The following PITPNC1 variants were observed in gnomAD, a reference collection of about 807,000 sequenced individuals.
PITPNC1 encodes phosphatidylinositol transfer protein cytoplasmic 1.
In PITPNC1, 18 loss-of-function variants were observed where a neutral mutation model predicts 44.7. That is an observed-to-expected ratio of 0.40 (90% CI 0.28 to 0.60). PITPNC1 has a LOEUF of 0.60. PITPNC1 is among the 20% of genes least tolerant of loss of function. PITPNC1 has a pLI of 0.39. For missense variants in PITPNC1, 290 were observed against 418.4 expected (o/e 0.69, Z 2.68); for synonymous variants, 141 against 149.6 (o/e 0.94, Z 0.42).
chr17:67,575,638 G>A (rs1321856438), intron 4 of PITPNC1, among the ~76,000 whole-genome samples: 1 of 152,208 alleles, frequency 6.6e-6, no homozygotes, highest in East Asian at 1.9e-4. Context: ...GCTGAAGCAT[G>A]TGTGTGCTAT....
intron 4 of PITPNC1, among the ~76,000 whole-genome samples, chr17:67,565,052 T>C (rs1465632459): frequency 1.3e-5 from 2 of 152,192 alleles, no homozygotes; most frequent in Non-Finnish European, 2.9e-5. Context: ...TGTTTTTCAG[T>C]GGATATACTA....
At position 67,692,996 on chromosome 17, in the gene PITPNC1, C is replaced by G. The variant is rs1243290475; in HGVS notation, c.*108C>G. On this transcript the variant is annotated 3_prime_UTR_variant, in exon 9 of 9. Coordinates refer to ENST00000581322, the MANE Select transcript of PITPNC1 (RefSeq NM_012417.4). Reference sequence around the variant, plus strand: ...ACTGCTTTGTCACTCAAACATGTTCCTTCGACCTTTCAGTGTGCATGTGAC... The same window carrying G: ...ACTGCTTTGTCACTCAAACATGTTCGTTCGACCTTTCAGTGTGCATGTGAC... 1 of 722,644 alleles carries G rather than the reference C, an allele frequency of 1.4e-6. No homozygotes were observed. Among genetic ancestry groups the G allele is most frequent in the Admixed American group, 2.6e-5 (1 of 38,152 alleles). 44.8% of individuals were successfully genotyped at this position (722,644 alleles called of 1,614,324 possible). A position where few individuals can be genotyped will look rare whatever the true frequency, so the allele number is the denominator to read the frequency against.
chr17:67,682,927 C>T (rs1053659979), intron 8 of PITPNC1, among the ~76,000 whole-genome samples: 6 of 151,808 alleles, frequency 4.0e-5, no homozygotes, highest in South Asian at 2.1e-4. Context: ...TTTGGGAGGC[C>T]GAGGCGGGTG....
At chr17:67,567,374 G>A (rs1283982827) in intron 4 of PITPNC1, among the ~76,000 whole-genome samples, 1 of 152,050 alleles carries the variant, frequency 6.6e-6, no homozygotes, top group Non-Finnish European at 1.5e-5. Flanking sequence ...GTCCCAGCTA[G>A]TCAGGAGGCT....
chr17:67,459,263 G>A (rs1249102137), intron 1 of PITPNC1, among the ~76,000 whole-genome samples: 1 of 151,892 alleles, frequency 6.6e-6, no homozygotes, highest in Non-Finnish European at 1.5e-5. Context: ...GATTACAGGT[G>A]TGGGCCACCA....
intron 5 of PITPNC1, among the ~76,000 whole-genome samples, chr17:67,627,439 T>C (rs1377877903): frequency 1.3e-5 from 2 of 152,238 alleles, no homozygotes; most frequent in Middle Eastern, 3.2e-3. Flanking sequence ...TTAGGCACGC[T>C]GTTAATGAAG....
chr17:67,579,716 A>G (rs2041202855), intron 5 of PITPNC1, among the ~76,000 whole-genome samples: 2 of 139,956 alleles, frequency 1.4e-5, no homozygotes, highest in Admixed American at 1.5e-4. Context: ...AGGTGGGCAG[A>G]TTGTCTGAGC....
intron 6 of PITPNC1, among the ~76,000 whole-genome samples, chr17:67,637,406 T>C (rs1027422386): frequency 3.3e-5 from 5 of 152,144 alleles, no homozygotes; most frequent in African/African-American, 1.2e-4. Flanking sequence ...AGCCGGATGC[T>C]GATGGGCCGA....
intron 1 of PITPNC1, among the ~76,000 whole-genome samples, chr17:67,494,096 T>TA (rs1194794458): frequency 6.6e-6 from 1 of 152,202 alleles, no homozygotes; most frequent in Admixed American, 6.5e-5. Context: ...CATATGGTAC[T>TA]AAAATGAGAT....
intron 4 of PITPNC1, among the ~76,000 whole-genome samples, chr17:67,573,915 G>T (rs2144220585): frequency 6.6e-6 from 1 of 152,292 alleles, no homozygotes; most frequent in South Asian, 2.1e-4. Context: ...ATACGGAATT[G>T]ATTATAGATG....
intron 1 of PITPNC1, among the ~76,000 whole-genome samples, chr17:67,435,318 C>T (rs192391456): frequency 5.9e-5 from 9 of 152,266 alleles, no homozygotes; most frequent in African/African-American, 2.2e-4. Flanking sequence ...GTGCTTTTGA[C>T]GTTTCTGTAA....
At chr17:67,579,614 ATTTTTTTTTTTTTTTT>A (rs558310588) in intron 5 of PITPNC1, among the ~76,000 whole-genome samples, 2 of 88,788 alleles carry the variant, frequency 2.3e-5, no homozygotes, top group South Asian at 4.0e-4. Context: ...TAAAATAGTG[ATTTTTTTTTTTTTTTT>A]TTTTTTTTTT....
intron 1 of PITPNC1, among the ~76,000 whole-genome samples, chr17:67,391,887 A>C (rs1454878045): frequency 1.3e-5 from 2 of 152,200 alleles, no homozygotes; most frequent in Non-Finnish European, 2.9e-5. Context: ...GTGGTCCAGA[A>C]ATTTTATCTC....
chr17:67,587,157 T>C (rs2041329278), intron 5 of PITPNC1, among the ~76,000 whole-genome samples: 2 of 152,008 alleles, frequency 1.3e-5, no homozygotes, highest in African/African-American at 4.8e-5. Context: ...GACTTTCAGA[T>C]ACCAATGAGA....
chr17:67,544,257 A>G (rs909799029), intron 2 of PITPNC1, among the ~76,000 whole-genome samples: 9 of 152,242 alleles, frequency 5.9e-5, no homozygotes, highest in Non-Finnish European at 4.4e-5. Flanking sequence ...GGGGCATGAT[A>G]CTAATCAAAT....
Position 67,692,679 on chromosome 17 carries a change from C to CAG in PITPNC1, c.790_791insAG (p.Leu264GlnfsTer53). 1.2e-6 allele frequency: 2 copies of CAG among 1,613,766 alleles called. No homozygotes were observed. ...AATTTCTATCTCCAGCATCCCCCTG[C>CAG]TGCCTTCTTCCGTCCGCAGTGCGCC... On this transcript the variant is annotated frameshift_variant, in exon 9 of 9. Transcript: ENST00000581322. LOFTEE classifies it high-confidence loss of function.
At chr17:67,637,501 C>T (rs1567752885) in intron 6 of PITPNC1, among the ~76,000 whole-genome samples, 1 of 152,164 alleles carries the variant, frequency 6.6e-6, no homozygotes, top group Non-Finnish European at 1.5e-5. Context: ...CTGTTGCACA[C>T]ACACACGGCC....
intron 1 of PITPNC1, among the ~76,000 whole-genome samples, chr17:67,398,158 T>C (rs1387815014): frequency 6.6e-6 from 1 of 152,016 alleles, no homozygotes; most frequent in Non-Finnish European, 1.5e-5. Flanking sequence ...CCATAGCAAG[T>C]ATTGGCGCAA....
chr17:67,642,306 A>T (rs2042100982), intron 6 of PITPNC1, among the ~76,000 whole-genome samples: 1 of 152,212 alleles, frequency 6.6e-6, no homozygotes, highest in Non-Finnish European at 1.5e-5. Context: ...AGCAGGGGTT[A>T]TCAGCAACCG....
Sources: allele counts gnomAD v4.1 joint callset (sites outside exome capture counted in the v4.1 genomes callset), GRCh38; gene constraint gnomAD v4.1.1; transcripts MANE v1.5; gene names NCBI Gene and HGNC (gene_info 2026-07-23, HGNC 2026-07-21).